The following JAK3 variants were observed in gnomAD, a reference collection of about 807,000 sequenced individuals.
The protein encoded by JAK3 is tyrosine-protein kinase JAK3.
Under a neutral mutation model 120.8 loss-of-function variants are expected in JAK3, and 88 were observed. The observed-to-expected ratio is 0.73, with a 90% CI of 0.61 to 0.87. The LOEUF (loss-of-function observed/expected upper bound fraction) is 0.87. Ranked by LOEUF, JAK3 falls within the 40% of genes least tolerant of loss-of-function variation. The pLI is 0.00. For synonymous variants in JAK3, 592 were observed against 628.6 expected (o/e 0.94, Z 0.87); for missense variants, 1,254 against 1,501.4 (o/e 0.84, Z 2.72).
At chr19:17,840,916 C>T (rs2094236840) in intron 8 of JAK3, among the ~76,000 whole-genome samples, 1 of 152,070 alleles carries the variant, frequency 6.6e-6, no homozygotes, top group Admixed American at 6.5e-5. Context: ...CTCCTGGGCT[C>T]AAGTGATCCT....
At chr19:17,847,046 C>T (rs1005973489) in intron 1 of JAK3, among the ~76,000 whole-genome samples, 1 of 152,010 alleles carries the variant, frequency 6.6e-6, no homozygotes, top group East Asian at 1.9e-4. Flanking sequence ...TACAGGCACC[C>T]GCCACCAAAC....
chr19:17,831,371 G>T lies in JAK3; in HGVS notation c.2835C>A (p.Cys945Ter). ...TTCGGGCGGCCAGGTCGCGGTGCAC[G>T]CAGCGGCGGGAGCCCAGGTACTCCA... ...KGMEYLGSRR[C>*]VHRDLAARNI... The change falls in exon 21 of 24, where the codon TGC (cysteine) becomes TGA (stop). Residue 945 changes from cysteine to a stop codon, truncating the protein, a stop_gained. Coordinates refer to ENST00000458235, the MANE Select transcript of JAK3 (RefSeq NM_000215.4). LOFTEE classifies it high-confidence loss of function. This position sits in a 1 kb window ranked among gnomAD's most constrained non-coding sequence, Gnocchi z 5.1. 1 of 1,607,124 alleles carries T rather than the reference G, an allele frequency of 6.2e-7. No homozygotes were observed. Among genetic ancestry groups the T allele is most frequent in the Non-Finnish European group, 8.5e-7 (1 of 1,179,790 alleles).
rs1198418238 is a variant in JAK3 at position 17,843,174 on chromosome 19, TG to T, written c.421-3del. ...CCCACTCACCAGGTCACTGCGGTGC[TG>T]GGGGGCCGCCACAGGGAGCATCAGC... On this transcript the variant is annotated splice_polypyrimidine_tract_variant and splice_region_variant and intron_variant, in intron 4 of 23. Coordinates refer to ENST00000458235, the MANE Select transcript of JAK3 (RefSeq NM_000215.4). The surrounding 1 kb of genome is among the most constrained non-coding windows in gnomAD (Gnocchi z 5.4). 2 of 1,601,044 alleles carry T rather than the reference TG, an allele frequency of 1.2e-6. No homozygotes were observed. The highest frequency in any genetic ancestry group is 8.5e-7 in the Non-Finnish European group (1 of 1,176,958).
At chr19:17,828,565 T>G (rs2094208331) in intron 23 of JAK3, among the ~76,000 whole-genome samples, 1 of 150,258 alleles carries the variant, frequency 6.7e-6, no homozygotes, top group Non-Finnish European at 1.5e-5. Flanking sequence ...TTGCTTGTAT[T>G]GTTTGTAGAG....
At chr19:17,827,009 T>C (rs2094205173) in intron 23 of JAK3, 99 bp from the exon 24 acceptor site, 6 of 1,351,378 alleles carry the variant, frequency 4.4e-6, no homozygotes, top group Non-Finnish European at 6.1e-6. Context: ...AGACGGAGTC[T>C]AGCTCTGTTG....
chr19:17,836,135 G>A lies in JAK3; in HGVS notation c.1787-84C>T, dbSNP rs28493430. On this transcript the variant is annotated intron_variant, in intron 13 of 23. Transcript: ENST00000458235. ...GTTCTGCCAACACCCTGGCTCTCAG[G>A]GTCTCTCAAACTCTCATCTCTGTCT... 3,714 of 1,535,964 alleles carry A rather than the reference G, an allele frequency of 2.4e-3. 81 individuals are homozygous for A. In the African/African-American group the frequency reaches 0.045, roughly 19 times the overall value.
At chr19:17,839,741 T>TTC (rs1568405327) in intron 9 of JAK3, 78 bp from the exon 10 acceptor site, 6 of 752,946 alleles carry the variant, frequency 8.0e-6, no homozygotes, top group African/African-American at 5.7e-5. Flanking sequence ...TTTTTTTCTT[T>TTC]TTTTTTTTTT....
chr19:17,827,393 G>A (rs1354141843), intron 23 of JAK3, among the ~76,000 whole-genome samples: 1 of 151,534 alleles, frequency 6.6e-6, no homozygotes, highest in Non-Finnish European at 1.5e-5. Context: ...TGTTGCCCAG[G>A]CTGGAATGCA....
intron 14 of JAK3, 49 bp from the exon 15 acceptor site, chr19:17,835,264 A>C: frequency 6.2e-7 from 1 of 1,601,922 alleles, no homozygotes; most frequent in Non-Finnish European, 8.5e-7. Flanking sequence ...TGATGAATGA[A>C]GAGTCTGTTT....
Position 17,832,777 on chromosome 19 carries a change from C to T in JAK3, c.2490+13G>A. 6.2e-7 allele frequency: 1 copy of T among 1,614,274 alleles called. No individual in the cohort carries two copies. The highest frequency in any genetic ancestry group is 1.3e-5 in the African/African-American group (1 of 75,074). On this transcript the variant is annotated intron_variant, in intron 18 of 23. Coordinates refer to ENST00000458235, the MANE Select transcript of JAK3 (RefSeq NM_000215.4). The surrounding 1 kb of genome is among the most constrained non-coding windows in gnomAD (Gnocchi z 4.7). ...CTGCCCTCTCCAACCCACCCTGGCC[C>T]TGCCCACCTTACCTTGCCCAGCTGT... is the stretch of plus-strand genomic sequence containing the variant.
chr19:17,842,708 C>T lies in JAK3; in HGVS notation c.567-98G>A. On this transcript the variant is annotated intron_variant, in intron 5 of 23. Transcript: ENST00000458235. This position sits in a 1 kb window ranked among gnomAD's most constrained non-coding sequence, Gnocchi z 6.4. ...AGGCTTTAGCCCAGGGGCTGGGGTGCGGCCCTAGTTGGGGCACCAGGCACA... is the reference window on the plus strand; with the variant it reads ...AGGCTTTAGCCCAGGGGCTGGGGTGTGGCCCTAGTTGGGGCACCAGGCACA... The T allele has an allele frequency of 2.3e-6, 3 of 1,291,558 alleles. No homozygotes were observed. The highest frequency in any genetic ancestry group is 3.1e-6 in the Non-Finnish European group (3 of 956,354). The allele number at this position is 1,291,558 out of a possible 1,614,324, so 80.0% of individuals were successfully genotyped here.
chr19:17,831,169 C>A lies in JAK3; in HGVS notation c.2978+59G>T. On this transcript the variant is annotated intron_variant, in intron 21 of 23. Transcript: ENST00000458235. This position sits in a 1 kb window ranked among gnomAD's most constrained non-coding sequence, Gnocchi z 5.1. ...GCAGCGGGAGGGGGCGGGGGCATGG[C>A]TGGGGGCGGAGCCAGAGCCGTGGGG... 9.0e-6 allele frequency: 13 copies of A among 1,442,502 alleles called. No individual in the cohort carries two copies. Among genetic ancestry groups the A allele is most frequent in the Non-Finnish European group, 1.2e-5 (13 of 1,093,858 alleles). 89.4% of individuals were successfully genotyped at this position (1,442,502 alleles called of 1,614,324 possible). A position where few individuals can be genotyped will look rare whatever the true frequency, so the allele number is the denominator to read the frequency against.
intron 23 of JAK3, among the ~76,000 whole-genome samples, chr19:17,829,331 G>T (rs1298667941): frequency 6.6e-6 from 1 of 151,982 alleles, no homozygotes; most frequent in Non-Finnish European, 1.5e-5. Flanking sequence ...GGTAATTTTT[G>T]TATTTTTAGT....
intron 1 of JAK3, among the ~76,000 whole-genome samples, chr19:17,847,146 C>T (rs1174537641): frequency 6.6e-6 from 1 of 152,152 alleles, no homozygotes; most frequent in East Asian, 1.9e-4. Flanking sequence ...GATCCGCTGG[C>T]CTCAGCCTCC....
chr19:17,837,634 C>T (rs2094227463), intron 12 of JAK3, among the ~76,000 whole-genome samples: 2 of 151,954 alleles, frequency 1.3e-5, no homozygotes, highest in Non-Finnish European at 1.5e-5. Flanking sequence ...AGGCTGGTCT[C>T]GAACTCCCGA....
In JAK3 at chr19:17,831,504, C is replaced by T; in HGVS notation, c.2806-104G>A. The T allele has an allele frequency of 1.3e-6, 2 of 1,534,470 alleles. No homozygotes were observed. Among genetic ancestry groups the T allele is most frequent in the Non-Finnish European group, 1.8e-6 (2 of 1,131,248 alleles). On this transcript the variant is annotated intron_variant, in intron 20 of 23. Transcript: ENST00000458235. This position sits in a 1 kb window ranked among gnomAD's most constrained non-coding sequence, Gnocchi z 5.1. ...AACCCAGACCCCAACTATAACCCTA[C>T]CCCCGAGCCATCCTCCACTGAAGTT...
intron 2 of JAK3, 126 bp from the exon 3 acceptor site, chr19:17,844,026 T>C (rs2094246176): frequency 2.3e-6 from 3 of 1,317,626 alleles, no homozygotes; most frequent in Non-Finnish European, 1.1e-6. Context: ...GTTCCCTTCA[T>C]GTGCCGTCAC....
chr19:17,843,095 G>T lies in JAK3; in HGVS notation c.498C>A (p.Ala166=), dbSNP rs201527800. 2.8e-5 allele frequency: 45 copies of T among 1,610,512 alleles called. No homozygotes were observed. In the South Asian group the frequency reaches 4.2e-4, roughly 15 times the overall value. Reference sequence around the variant, plus strand: ...GCGCCATCCGGGCCAGGTCCAACACGGCCAGGCTGAGACACTCACCCTGCT... The same window carrying T: ...GCGCCATCCGGGCCAGGTCCAACACTGCCAGGCTGAGACACTCACCCTGCT... ...LKEQGECLSL[A]VLDLARMARE... The change falls in exon 5 of 24, where the codon GCC becomes GCA. Residue 166 remains alanine (A), a synonymous_variant. Coordinates refer to ENST00000458235, the MANE Select transcript of JAK3 (RefSeq NM_000215.4). The surrounding 1 kb of genome is among the most constrained non-coding windows in gnomAD (Gnocchi z 5.4).
At position 17,844,392 on chromosome 19, in the gene JAK3, G is replaced by C; in HGVS notation, c.26C>G (p.Pro9Arg). The change falls in exon 2 of 24, where the codon CCC becomes CGC. Residue 9 changes from proline (P) to arginine (R), a missense_variant. Around this residue, in one of 3 missense-constraint regions of JAK3, gnomAD observed 138 missense variants for 178.7 expected, o/e 0.77. Coordinates refer to ENST00000458235, the MANE Select transcript of JAK3 (RefSeq NM_000215.4). MAPPSEET[P>R]LIPQRSCSLL... ...GCTGCATGAACGCTGAGGGATCAGG[G>C]GCGTCTCTTCACTTGGAGGTGCCAT... 2 of 1,611,914 alleles carry C rather than the reference G, an allele frequency of 1.2e-6. No individual in the cohort carries two copies. Among genetic ancestry groups the C allele is most frequent in the Non-Finnish European group, 1.7e-6 (2 of 1,179,550 alleles).
Sources: gnomAD v4.1 joint callset for allele counts (sites outside exome capture counted in the v4.1 genomes callset) on GRCh38, gnomAD v4.1.1 for gene constraint, gnomAD v4.1.1 regional missense constraint, Gnocchi (gnomAD v3.1) non-coding constraint, MANE v1.5 for transcripts, NCBI Gene and HGNC (gene_info 2026-07-23, HGNC 2026-07-21) for gene names.